The following NOP9 variants were observed in gnomAD, a reference collection of about 807,000 sequenced individuals.
NOP9 encodes nucleolar protein 9.
Under a neutral mutation model 63.0 loss-of-function variants are expected in NOP9, and 50 were observed. The observed-to-expected ratio is 0.79, with a 90% CI of 0.63 to 1.00. The LOEUF is 1.00. Among genes scored for constraint, NOP9 ranks in the 50% least tolerant of loss-of-function variants. The probability of loss-of-function intolerance (pLI) is 0.00; values close to 1 mark genes in which losing one functional copy is unlikely to be tolerated. For synonymous variants in NOP9, 343 were observed against 332.8 expected (o/e 1.03, Z -0.33); for missense variants, 758 against 803.0 (o/e 0.94, Z 0.68).
chr14:24,295,832 A>G (rs1053044898), upstream of NOP9, among the ~76,000 whole-genome samples: 4 of 152,198 alleles, frequency 2.6e-5, no homozygotes, highest in Non-Finnish European at 4.4e-5. Flanking sequence ...GTGTTCTTAC[A>G]TGCTTTAGTC....
chr14:24,304,852 G>T, intron 9 of NOP9, 86 bp from the exon 10 acceptor site: 1 of 1,417,580 alleles, frequency 7.1e-7, no homozygotes, highest in Non-Finnish European at 9.5e-7. Context: ...CAGTCCCAGG[G>T]TCTGGGGGAA....
chr14:24,271,485 A>C, the NOP9 span: 1 of 194,774 alleles, frequency 5.1e-6, no homozygotes, highest in Non-Finnish European at 1.0e-5. Flanking sequence ...GGGCGGACCC[A>C]CCTGCGCTGG....
At chr14:24,300,335 C>G in intron 1 of NOP9, 73 bp from the exon 2 acceptor site, 1 of 1,561,086 alleles carries the variant, frequency 6.4e-7, no homozygotes, top group Non-Finnish European at 8.7e-7. Context: ...ACCCACGACC[C>G]TTGGTTAAGC....
chr14:24,305,523 T>C lies in NOP9; in HGVS notation c.*428T>C, dbSNP rs552480300. The C allele has an allele frequency of 2.2e-6, 3 of 1,354,674 alleles. No homozygotes were observed. The highest frequency in any genetic ancestry group is 4.6e-5 in the East Asian group (2 of 43,058). The allele number at this position is 1,354,674 out of a possible 1,614,324, so 83.9% of individuals were successfully genotyped here. The stretch of plus-strand genomic sequence containing the variant: ...AGGGGATCAGAGGACAGTGGGGAAA[T>C]TGGGTGGGTTATCTAGCCTGTACTG... On this transcript the variant is annotated 3_prime_UTR_variant, in exon 10 of 10. Coordinates refer to ENST00000267425, the MANE Select transcript of NOP9 (RefSeq NM_174913.3).
chr14:24,282,306 A>G, the NOP9 span, among the ~76,000 whole-genome samples: 1 of 152,224 alleles, frequency 6.6e-6, no homozygotes, highest in Non-Finnish European at 1.5e-5. Context: ...CTCGCTGTAA[A>G]GCCTTGCAAT....
At chr14:24,286,840 T>C in the NOP9 span, among the ~76,000 whole-genome samples, 2 of 151,736 alleles carry the variant, frequency 1.3e-5, no homozygotes, top group South Asian at 2.1e-4. Context: ...GATCCGCCCG[T>C]CTCGGCCTCC....
the NOP9 span, chr14:24,292,781 G>A: frequency 1.2e-6 from 2 of 1,610,908 alleles, no homozygotes; most frequent in Non-Finnish European, 1.7e-6. Flanking sequence ...AAAAGTAGTG[G>A]CCTCTAGAAG....
chr14:24,302,452 T>A (rs1315422102), intron 5 of NOP9, 28 bp downstream of exon 5: 1 of 1,585,572 alleles, frequency 6.3e-7, no homozygotes, highest in Non-Finnish European at 8.6e-7. Flanking sequence ...GCTGGATCTG[T>A]TTCTGCTAAT....
chr14:24,290,815 C>A, the NOP9 span: 1 of 1,611,232 alleles, frequency 6.2e-7, no homozygotes. Context: ...ACCACCAAGT[C>A]CAAATGAGAA....
the NOP9 span, among the ~76,000 whole-genome samples, chr14:24,272,000 TCTCATCTGTTCAC>T: frequency 3.9e-5 from 6 of 152,104 alleles, no homozygotes; most frequent in Non-Finnish European, 7.4e-5. Flanking sequence ...GCCTCTCTCT[TCTCATCTGTTCAC>T]CTCCACCCCT....
At chr14:24,289,592 A>C in the NOP9 span, among the ~76,000 whole-genome samples, 1 of 152,196 alleles carries the variant, frequency 6.6e-6, no homozygotes, top group Non-Finnish European at 1.5e-5. Flanking sequence ...AGGGAATCTG[A>C]TCACTGTGAT....
the NOP9 span, among the ~76,000 whole-genome samples, chr14:24,286,180 G>T: frequency 6.6e-6 from 1 of 152,112 alleles, no homozygotes; most frequent in Non-Finnish European, 1.5e-5. Flanking sequence ...CACTGCTCAG[G>T]CACATTCTTT....
chr14:24,291,496 T>C, the NOP9 span: 1 of 1,556,516 alleles, frequency 6.4e-7, no homozygotes, highest in Admixed American at 1.7e-5. Context: ...GGGCACTGGA[T>C]GCTACCGCAC....
Position 24,305,761 on chromosome 14 carries a change from G to T in NOP9, c.*666G>T. On this transcript the variant is annotated 3_prime_UTR_variant, in exon 10 of 10. Coordinates refer to ENST00000267425, the MANE Select transcript of NOP9 (RefSeq NM_174913.3). ...AGCAGTGTGGAGGTCCAACGAAGGA[G>T]CTCCCTGAATGGCAGAGACAAGAGG... is the stretch of plus-strand genomic sequence containing the variant. 6.2e-7 allele frequency: 1 copy of T among 1,613,200 alleles called. No individual in the cohort carries two copies. The highest frequency in any genetic ancestry group is 1.1e-5 in the South Asian group (1 of 90,890).
chr14:24,284,614 G>C, the NOP9 span, among the ~76,000 whole-genome samples: 2 of 152,248 alleles, frequency 1.3e-5, 1 homozygote, highest in South Asian at 4.1e-4. Context: ...CTGCGGCAAA[G>C]GACTTCTGAG....
At chr14:24,296,412 G>A (rs2139099647), upstream of NOP9, 1 of 1,173,192 alleles carries the variant, frequency 8.5e-7, no homozygotes, top group East Asian at 2.3e-5. Flanking sequence ...AGATGGGGGA[G>A]GCCGGAGGGA....
the NOP9 span, among the ~76,000 whole-genome samples, chr14:24,273,586 G>A: frequency 1.4e-4 from 21 of 152,286 alleles, no homozygotes; most frequent in East Asian, 3.9e-4. Flanking sequence ...ACAAATTCTC[G>A]AAAAGAGACA....
chr14:24,308,112 G>C lies in NOP9; in HGVS notation c.*3017G>C, dbSNP rs2041576796. 1.8e-6 allele frequency: 1 copy of C among 554,790 alleles called. No individual in the cohort carries two copies. Among genetic ancestry groups the C allele is most frequent in the Non-Finnish European group, 3.3e-6 (1 of 307,026 alleles). 34.4% of individuals were successfully genotyped at this position (554,790 alleles called of 1,614,324 possible). On this transcript the variant is annotated 3_prime_UTR_variant, in exon 10 of 10. Coordinates refer to ENST00000267425, the MANE Select transcript of NOP9 (RefSeq NM_174913.3). ...AAAAGCCATTGGAGCTTGTATGTGTGTCTTTGGTGATGACATGTGTTGTGA... is the reference window on the plus strand; with the variant it reads ...AAAAGCCATTGGAGCTTGTATGTGTCTCTTTGGTGATGACATGTGTTGTGA...
chr14:24,295,373 G>T (rs1262626968), upstream of NOP9, among the ~76,000 whole-genome samples: 1 of 152,170 alleles, frequency 6.6e-6, no homozygotes, highest in Non-Finnish European at 1.5e-5. Flanking sequence ...TTTGCATAGG[G>T]AAAGAATTAG....
Sources: gnomAD v4.1 joint callset for allele counts (sites outside exome capture counted in the v4.1 genomes callset) on GRCh38, gnomAD v4.1.1 for gene constraint, MANE v1.5 for transcripts, NCBI Gene and HGNC (gene_info 2026-07-23, HGNC 2026-07-21) for gene names.